MICALL2: variants seen among roughly 807,000 people sequenced by gnomAD.
MICALL2 encodes MICAL-like protein 2.
Under a neutral mutation model 91.1 loss-of-function variants are expected in MICALL2, and 111 were observed. That is an observed-to-expected ratio of 1.22 (90% CI 1.04 to 1.43). MICALL2 has a LOEUF of 1.43. MICALL2 is among the 40% of genes most tolerant of loss of function. The pLI is 0.00. For missense variants in MICALL2, 1,556 were observed against 1,236.0 expected, an observed-to-expected ratio of 1.26 and a Z score of -3.88; for synonymous variants, 694 against 525.3, an observed-to-expected ratio of 1.32 and a Z score of -4.39.
chr7:1,443,901 C>T (rs73276567), intron 6 of MICALL2, among the ~76,000 whole-genome samples: 10,049 of 152,026 alleles, frequency 0.066, 1,102 homozygotes, highest in African/African-American at 0.23. Context: ...TACCCGTCCA[C>T]GTCATCTGCT....
At chr7:1,436,000 C>A (rs112775213) in intron 15 of MICALL2, among the ~76,000 whole-genome samples, 1 of 144,138 alleles carries the variant, frequency 6.9e-6, no homozygotes, top group South Asian at 2.2e-4. Flanking sequence ...TGCAGTGAGC[C>A]GAGATTGCGG....
chr7:1,439,460 T>C (rs764035390), intron 9 of MICALL2: 12 of 196,408 alleles, frequency 6.1e-5, no homozygotes, highest in East Asian at 1.4e-4. Flanking sequence ...GCATCGCACA[T>C]GAACACAGAT....
At chr7:1,456,547 C>T (rs1781023675) in intron 1 of MICALL2, among the ~76,000 whole-genome samples, 1 of 152,172 alleles carries the variant, frequency 6.6e-6, no homozygotes, top group Non-Finnish European at 1.5e-5. Context: ...GATCGCACCA[C>T]TGCACTCCAG....
chr7:1,450,661 G>A (rs1028883887), intron 1 of MICALL2: 1 of 204,286 alleles, frequency 4.9e-6, no homozygotes, highest in East Asian at 1.2e-4. Flanking sequence ...CCATCACAAC[G>A]CTTGGTGACC....
rs111477617 is a variant in MICALL2, at chr7:1,446,632, G to A, written c.641+81C>T. 10,195 of 993,210 alleles carry A rather than the reference G, an allele frequency of 0.01. 640 individuals carry two copies. In the African/African-American group the frequency reaches 0.14, roughly 13 times the overall value. 61.5% of individuals were successfully genotyped at this position (993,210 alleles called of 1,614,324 possible). Reference sequence around the variant, plus strand: ...AACGAGGAGCGGGGAGGAGGAGGCCGGGTGGGAGGCGATGGGAGCTGTGGG... The same window carrying A: ...AACGAGGAGCGGGGAGGAGGAGGCCAGGTGGGAGGCGATGGGAGCTGTGGG... On this transcript the variant is annotated intron_variant, in intron 5 of 16. Coordinates refer to ENST00000297508, the MANE Select transcript of MICALL2 (RefSeq NM_182924.4).
chr7:1,439,208 G>A (rs936938153), intron 9 of MICALL2: 25 of 542,462 alleles, frequency 4.6e-5, no homozygotes, highest in Middle Eastern at 4.8e-4. Flanking sequence ...CGGGGCTGCT[G>A]GCTGCTCAAG....
Position 1,437,569 on chromosome 7 carries a change from G to T in MICALL2, c.2442C>A (p.Ile814=), listed in dbSNP as rs202177068. Residue 814 remains isoleucine (I), a synonymous_variant, in exon 14 of 17, where the codon ATC becomes ATA. Transcript: ENST00000297508. ...CCATGAGCCGGCGCAGCTCGCCCTC[G>T]ATGTCCAGCTGCTGCTCCTCCAGAC... ...AQRLEEQQLD[I]EGELRRLMAK... 3.9e-6 allele frequency: 6 copies of T among 1,535,020 alleles called. No homozygotes were observed. Among genetic ancestry groups the T allele is most frequent in the Non-Finnish European group, 5.2e-6 (6 of 1,145,466 alleles).
At chr7:1,437,697 C>T (rs1780041981) in intron 13 of MICALL2, 89 bp from the exon 14 acceptor site, 3 of 1,384,594 alleles carry the variant, frequency 2.2e-6, no homozygotes, top group Admixed American at 4.0e-5. Context: ...CTGGACCTGC[C>T]ACACAGACAC....
At chr7:1,434,984 C>CCGGGGGGG in intron 16 of MICALL2, 117 bp downstream of exon 16, 1 of 449,086 alleles carries the variant, frequency 2.2e-6, no homozygotes, top group Non-Finnish European at 3.9e-6. Flanking sequence ...ACCCGATACC[C>CCGGGGGGG]GCCCCCCCCC....
rs1181530210 is a variant in MICALL2 at position 1,436,849 on chromosome 7, C to T, written c.2484G>A (p.Leu828=). ...LRRLMAKPEA[L]KSLQERRREQ... ...CCCGCCGCCGCTCCTGCAGTGACTTCAGAGCCTCTGTGGGGATGGCTCGTC... is the reference window on the plus strand; with the variant it reads ...CCCGCCGCCGCTCCTGCAGTGACTTTAGAGCCTCTGTGGGGATGGCTCGTC... Residue 828 remains leucine, a synonymous_variant, in exon 15 of 17, where the codon CTG becomes CTA. Coordinates refer to ENST00000297508, the MANE Select transcript of MICALL2 (RefSeq NM_182924.4). 2.5e-6 allele frequency: 4 copies of T among 1,592,968 alleles called. No homozygotes were observed. The highest frequency in any genetic ancestry group is 3.4e-5 in the Admixed American group (2 of 58,150).
rs781611455 is a variant in MICALL2 at position 1,438,257 on chromosome 7, G to A, written c.2187+32C>T. The stretch of plus-strand genomic sequence containing the variant: ...GGGGCGGTGAGGATGCCGGAGGGCT[G>A]GGCCCCTGCCCGGCTCCCCACCACT... On this transcript the variant is annotated intron_variant, in intron 11 of 16. Transcript: ENST00000297508. 1.1e-5 allele frequency: 18 copies of A among 1,588,302 alleles called. No individual in the cohort carries two copies. In the East Asian group the frequency reaches 1.4e-4, roughly 12 times the overall value.
chr7:1,437,658 G>T (rs774578907), intron 13 of MICALL2, 50 bp from the exon 14 acceptor site: 55 of 1,513,032 alleles, frequency 3.6e-5, no homozygotes, highest in Non-Finnish European at 4.7e-5. Flanking sequence ...CCTGTCCCCC[G>T]CCTGGCCCGC....
At position 1,438,842 on chromosome 7, in the gene MICALL2, G is replaced by A. The variant is rs544729190; in HGVS notation, c.2120C>T (p.Pro707Leu). 6.9e-6 allele frequency: 11 copies of A among 1,602,736 alleles called. No homozygotes were observed. The highest frequency in any genetic ancestry group is 2.7e-5 in the African/African-American group (2 of 74,878). The change falls in exon 10 of 17, where the codon CCA (proline) becomes CTA (leucine). Residue 707 changes from proline to leucine, a missense_variant and splice_region_variant. Coordinates refer to ENST00000297508, the MANE Select transcript of MICALL2 (RefSeq NM_182924.4). ...GCAGCGGTGTCTCTGGGGCTGACCT[G>A]GTTTGCCCTGAAGGTGAGGTTTCTT... The part of the protein sequence containing the change: ...EEKKPHLQGK[P>L]GRPLSPANVP...
intron 1 of MICALL2, among the ~76,000 whole-genome samples, chr7:1,454,092 G>A (rs1186248717): frequency 6.8e-6 from 1 of 146,502 alleles, no homozygotes; most frequent in Non-Finnish European, 1.5e-5. Context: ...TCTTGGGAAT[G>A]TATACCCCCC....
At chr7:1,440,743 C>A in intron 7 of MICALL2, 59 bp from the exon 8 acceptor site, 1 of 1,450,684 alleles carries the variant, frequency 6.9e-7, no homozygotes, top group South Asian at 1.1e-5. Flanking sequence ...GGGGTGTCTG[C>A]AAGGGTGGCT....
At chr7:1,440,490 T>TATC in intron 8 of MICALL2, 101 bp downstream of exon 8, 1 of 1,052,550 alleles carries the variant, frequency 9.5e-7, no homozygotes, top group South Asian at 1.3e-5. Flanking sequence ...GAGGTGCGTC[T>TATC]ATCCCTGGAT....
At chr7:1,455,071 G>A (rs1409518443) in intron 1 of MICALL2, among the ~76,000 whole-genome samples, 1 of 152,214 alleles carries the variant, frequency 6.6e-6, no homozygotes, top group Admixed American at 6.5e-5. Context: ...GAAGGAGGCC[G>A]CAATGTTCTC....
chr7:1,438,481 A>G (rs4419728), intron 10 of MICALL2, 128 bp from the exon 11 acceptor site: 276,273 of 1,479,712 alleles, frequency 0.19, 30,551 homozygotes, highest in African/African-American at 0.51. Context: ...CTAATGCCCC[A>G]CACGCCCACT....
At chr7:1,437,312 A>T in intron 14 of MICALL2, 1 of 497,418 alleles carries the variant, frequency 2.0e-6, no homozygotes, top group Non-Finnish European at 3.6e-6. Flanking sequence ...AAGCATCCTC[A>T]CTTTGCAGAG....
Sources: gnomAD v4.1 joint callset for allele counts (sites outside exome capture counted in the v4.1 genomes callset) on GRCh38, gnomAD v4.1.1 for gene constraint, MANE v1.5 for transcripts, NCBI Gene and HGNC (gene_info 2026-07-23, HGNC 2026-07-21) for gene names.